C8orf34: variants seen among roughly 807,000 people sequenced by gnomAD.
The protein encoded by C8orf34 is chromosome 8 open reading frame 34.
Under a neutral mutation model 68.3 loss-of-function variants are expected in C8orf34, and 65 were observed. The ratio of observed to expected loss-of-function variants is 0.95; its 90% CI spans 0.78 to 1.17. The LOEUF is 1.17. C8orf34 is among the 50% of genes most tolerant of loss of function. The pLI is 0.00. For missense variants in C8orf34, 664 were observed against 655.4 expected, an observed-to-expected ratio of 1.01 and a Z score of -0.14; for synonymous variants, 244 against 241.2, an observed-to-expected ratio of 1.01 and a Z score of -0.11.
At chr8:68,669,925 T>G (rs1445995670) in intron 8 of C8orf34, among the ~76,000 whole-genome samples, 1 of 152,174 alleles carries the variant, frequency 6.6e-6, no homozygotes, top group African/African-American at 2.4e-5. Flanking sequence ...TTTTTGTTGT[T>G]GAAGACAGTA....
At chr8:68,741,045 C>T (rs915997050) in intron 10 of C8orf34, among the ~76,000 whole-genome samples, 1 of 151,630 alleles carries the variant, frequency 6.6e-6, no homozygotes. Context: ...GACATGGACA[C>T]ATAGAGGGGG....
chr8:68,534,476 C>T (rs1815379455), intron 7 of C8orf34: 4 of 597,448 alleles, frequency 6.7e-6, no homozygotes, highest in Non-Finnish European at 8.4e-6. Context: ...AGATACAATA[C>T]GTCACTACCT....
intron 1 of C8orf34, among the ~76,000 whole-genome samples, chr8:68,436,380 G>A (rs949184986): frequency 2.0e-5 from 3 of 152,018 alleles, no homozygotes; most frequent in Admixed American, 1.3e-4. Context: ...TTTTGTTTGC[G>A]ACTTGTATGT....
intron 8 of C8orf34, among the ~76,000 whole-genome samples, chr8:68,697,926 C>A (rs1359522246): frequency 6.6e-6 from 1 of 152,106 alleles, no homozygotes; most frequent in Non-Finnish European, 1.5e-5. Flanking sequence ...CCTTAGGCTG[C>A]AACCTCAGGA....
intron 1 of C8orf34, among the ~76,000 whole-genome samples, chr8:68,426,765 A>C (rs1471864640): frequency 2.0e-5 from 3 of 151,402 alleles, no homozygotes; most frequent in Admixed American, 6.6e-5. Flanking sequence ...GCTTCTCGGG[A>C]GGTTGAGGCA....
At chr8:68,758,935 C>T (rs937901839) in intron 10 of C8orf34, among the ~76,000 whole-genome samples, 1 of 152,104 alleles carries the variant, frequency 6.6e-6, no homozygotes, top group African/African-American at 2.4e-5. Context: ...GCAACTGGCA[C>T]AGCTGTGATC....
chr8:68,464,129 G>A lies in C8orf34; in HGVS notation c.608-4563G>A, dbSNP rs572978073. On this transcript the variant is annotated intron_variant, in intron 3 of 13. Coordinates refer to ENST00000518698, the MANE Select transcript of C8orf34 (RefSeq NM_052958.4). ...CAAAATCAATGTACAAAAATCACAA[G>A]CATTCTTATACACCAATAACAGACA... 7.2e-5 allele frequency among the ~76,000 whole-genome samples: 11 copies of A among 152,166 alleles called. No homozygotes were observed. In the East Asian group the frequency reaches 2.1e-3, roughly 29 times the overall value.
chr8:68,604,430 T>C (rs889747420), intron 7 of C8orf34, among the ~76,000 whole-genome samples: 1 of 135,948 alleles, frequency 7.4e-6, no homozygotes, highest in Non-Finnish European at 1.5e-5. Context: ...CAAATCATTC[T>C]GTAAGAAAAC....
chr8:68,663,984 G>A (rs1819763075), intron 8 of C8orf34, among the ~76,000 whole-genome samples: 1 of 152,220 alleles, frequency 6.6e-6, no homozygotes, highest in Admixed American at 6.5e-5. Flanking sequence ...TGAATTTTAG[G>A]CTTCTTTTAT....
chr8:68,484,483 TC>T (rs1812993167), intron 4 of C8orf34, among the ~76,000 whole-genome samples: 1 of 152,196 alleles, frequency 6.6e-6, no homozygotes, highest in Admixed American at 6.5e-5. Flanking sequence ...CCTGGGCTTT[TC>T]TTTCTTCCAA....
intron 8 of C8orf34, among the ~76,000 whole-genome samples, chr8:68,678,460 T>C (rs1278185869): frequency 2.6e-5 from 4 of 152,200 alleles, no homozygotes; most frequent in African/African-American, 9.7e-5. Flanking sequence ...TGATACACCA[T>C]ATCAAGATAA....
chr8:68,583,059 C>T (rs1045995269), intron 7 of C8orf34, among the ~76,000 whole-genome samples: 26 of 152,044 alleles, frequency 1.7e-4, no homozygotes, highest in African/African-American at 6.0e-4. Flanking sequence ...GTTTCCTTTA[C>T]AAAAGGGTAA....
At chr8:68,554,501 ACAGT>A (rs1816189195) in intron 7 of C8orf34, among the ~76,000 whole-genome samples, 1 of 152,164 alleles carries the variant, frequency 6.6e-6, no homozygotes, top group African/African-American at 2.4e-5. Flanking sequence ...TATATGAGGT[ACAGT>A]CACTCTTTTT....
chr8:68,583,284 T>C lies in C8orf34; in HGVS notation c.1105+50135T>C, dbSNP rs148527422. 1.0e-3 allele frequency among the ~76,000 whole-genome samples: 155 copies of C among 152,208 alleles called. 1 individual carries two copies. Among genetic ancestry groups the C allele is most frequent in the African/African-American group, 3.3e-3 (137 of 41,552 alleles). On this transcript the variant is annotated intron_variant, in intron 7 of 13. Transcript: ENST00000518698. ...GATTTGCAGGAAGATAAATAGTACATATATTAGATGACTACCATGCATGAA... is the reference window on the plus strand; with the variant it reads ...GATTTGCAGGAAGATAAATAGTACACATATTAGATGACTACCATGCATGAA...
chr8:68,748,233 A>G (rs1399757155), intron 10 of C8orf34, among the ~76,000 whole-genome samples: 1 of 136,670 alleles, frequency 7.3e-6, no homozygotes. Context: ...ACAAAAATCA[A>G]TTCAAGATGG....
chr8:68,341,330 T>C (rs1364128317), intron 1 of C8orf34, among the ~76,000 whole-genome samples: 2 of 152,236 alleles, frequency 1.3e-5, no homozygotes, highest in African/African-American at 4.8e-5. Context: ...TCAGTGCTCC[T>C]GGAGCATTTG....
chr8:68,572,185 G>A (rs916051926), intron 7 of C8orf34, among the ~76,000 whole-genome samples: 1 of 151,348 alleles, frequency 6.6e-6, no homozygotes, highest in Non-Finnish European at 1.5e-5. Context: ...CTGTATATAT[G>A]GTCTATTGCT....
chr8:68,394,461 G>A (rs1384388062), intron 1 of C8orf34, among the ~76,000 whole-genome samples: 1 of 151,756 alleles, frequency 6.6e-6, no homozygotes, highest in Admixed American at 6.6e-5. Context: ...GTGTATATGT[G>A]CCACATTTTC....
intron 1 of C8orf34, among the ~76,000 whole-genome samples, chr8:68,343,995 G>A (rs1482169446): frequency 6.6e-6 from 1 of 152,124 alleles, no homozygotes; most frequent in African/African-American, 2.4e-5. Context: ...CCAAAGTTCT[G>A]AGATTACAGG....
Sources: gnomAD v4.1 joint callset for allele counts (sites outside exome capture counted in the v4.1 genomes callset) on GRCh38, gnomAD v4.1.1 for gene constraint, MANE v1.5 for transcripts, NCBI Gene and HGNC (gene_info 2026-07-23, HGNC 2026-07-21) for gene names.